Variants in NKAIN2 observed in about 807,000 individuals in gnomAD.
The protein encoded by NKAIN2 is sodium/potassium transporting ATPase interacting 2.
In NKAIN2, 14 loss-of-function variants were observed where a neutral mutation model predicts 32.6. That is an observed-to-expected ratio of 0.43 (90% CI 0.28 to 0.67). The LOEUF is 0.67. Ranked by LOEUF, NKAIN2 falls within the 30% of genes least tolerant of loss-of-function variation. The pLI is 0.17. For synonymous variants in NKAIN2, 80 were observed against 87.2 expected, an observed-to-expected ratio of 0.92 and a Z score of 0.46; for missense variants, 198 against 258.3, an observed-to-expected ratio of 0.77 and a Z score of 1.60.
At chr6:123,983,963 A>G (rs1779018667) in intron 1 of NKAIN2, among the ~76,000 whole-genome samples, 1 of 152,128 alleles carries the variant, frequency 6.6e-6, no homozygotes, top group South Asian at 2.1e-4. Context: ...GCTAGAGTAC[A>G]ATGGCACAAT....
At chr6:124,587,846 A>G (rs1265107269) in intron 3 of NKAIN2, among the ~76,000 whole-genome samples, 1 of 152,212 alleles carries the variant, frequency 6.6e-6, no homozygotes, top group Admixed American at 6.5e-5. Flanking sequence ...AGAAATGGGA[A>G]AGAAAATGTG....
intron 3 of NKAIN2, among the ~76,000 whole-genome samples, chr6:124,533,969 A>G (rs1039879899): frequency 6.6e-6 from 1 of 152,136 alleles, no homozygotes; most frequent in African/African-American, 2.4e-5. Context: ...TTTCACCATC[A>G]TGACCTGATC....
chr6:123,851,231 A>C (rs976907234), intron 1 of NKAIN2, among the ~76,000 whole-genome samples: 2 of 143,858 alleles, frequency 1.4e-5, no homozygotes, highest in Non-Finnish European at 3.0e-5. Flanking sequence ...TTGCTGGATC[A>C]TATGGTGGTT....
intron 1 of NKAIN2, among the ~76,000 whole-genome samples, chr6:123,998,837 G>T (rs765012866): frequency 1.7e-4 from 24 of 145,384 alleles, no homozygotes; most frequent in Non-Finnish European, 3.5e-4. Flanking sequence ...ATATGGTGAT[G>T]GTATCAAAAA....
intron 3 of NKAIN2, among the ~76,000 whole-genome samples, chr6:124,587,198 TA>T (rs1781740949): frequency 6.6e-6 from 1 of 152,122 alleles, no homozygotes; most frequent in Admixed American, 6.5e-5. Context: ...CTTTTTTTGT[TA>T]AAAAAGGAGG....
At chr6:123,979,253 A>G (rs1005158480) in intron 1 of NKAIN2, among the ~76,000 whole-genome samples, 17 of 152,246 alleles carry the variant, frequency 1.1e-4, no homozygotes, top group African/African-American at 3.4e-4. Context: ...CCTTGGAATT[A>G]GAAAACAATA....
chr6:124,317,458 C>T (rs1797005034), intron 2 of NKAIN2, among the ~76,000 whole-genome samples: 1 of 151,926 alleles, frequency 6.6e-6, no homozygotes, highest in African/African-American at 2.4e-5. Context: ...AAATAACTTC[C>T]TTAGAGTATA....
At chr6:124,405,816 C>T (rs933145020) in intron 3 of NKAIN2, among the ~76,000 whole-genome samples, 4 of 151,984 alleles carry the variant, frequency 2.6e-5, no homozygotes, top group South Asian at 4.1e-4. Context: ...TGCCTGGATT[C>T]GGAAATATAA....
At chr6:124,709,725 T>C (rs1775329855) in intron 4 of NKAIN2, among the ~76,000 whole-genome samples, 1 of 151,680 alleles carries the variant, frequency 6.6e-6, no homozygotes, top group African/African-American at 2.4e-5. Context: ...TTGATTCTTC[T>C]CTTTTTTCTT....
At chr6:124,131,311 T>A (rs77060051) in intron 1 of NKAIN2, among the ~76,000 whole-genome samples, 5,373 of 152,194 alleles carry the variant, frequency 0.035, 110 homozygotes, top group African/African-American at 0.056. Flanking sequence ...CGTCTGGCTA[T>A]TTTTTGTATT....
chr6:124,695,325 A>G (rs12660650), intron 4 of NKAIN2, among the ~76,000 whole-genome samples: 8,829 of 152,226 alleles, frequency 0.058, 345 homozygotes, highest in African/African-American at 0.11. Context: ...TGTCAGAGAG[A>G]TTGACCAGCT....
chr6:124,508,902 C>T (rs9388340), intron 3 of NKAIN2, among the ~76,000 whole-genome samples: 3,681 of 152,210 alleles, frequency 0.024, 159 homozygotes, highest in East Asian at 0.13. Context: ...TCTCTGTGTG[C>T]TTTCTCCTTG....
At chr6:124,618,436 C>T (rs1423516271) in intron 3 of NKAIN2, among the ~76,000 whole-genome samples, 1 of 152,134 alleles carries the variant, frequency 6.6e-6, no homozygotes, top group Non-Finnish European at 1.5e-5. Flanking sequence ...CAAGATTGTG[C>T]CATTGTACTG....
chr6:124,650,563 AAGAC>A (rs944470397), intron 3 of NKAIN2, among the ~76,000 whole-genome samples: 1 of 152,162 alleles, frequency 6.6e-6, no homozygotes, highest in African/African-American at 2.4e-5. Context: ...GAAAGGCAAA[AAGAC>A]AGGGAGATAT....
intron 1 of NKAIN2, among the ~76,000 whole-genome samples, chr6:123,885,260 G>T (rs141384867): frequency 9.9e-5 from 15 of 152,230 alleles, no homozygotes; most frequent in African/African-American, 3.4e-4. Flanking sequence ...TGCAAGGACA[G>T]TTGGCCCCTG....
At chr6:124,099,462 G>A (rs190432641) in intron 1 of NKAIN2, among the ~76,000 whole-genome samples, 1 of 152,302 alleles carries the variant, frequency 6.6e-6, no homozygotes, top group African/African-American at 2.4e-5. Context: ...TAACATTTGT[G>A]ACACTGGATA....
Position 124,103,346 on chromosome 6 carries a change from C to T in NKAIN2, c.55-179659C>T, listed in dbSNP as rs561539138. 2.6e-5 allele frequency among the ~76,000 whole-genome samples: 4 copies of T among 152,278 alleles called. No homozygotes were observed. In the East Asian group the frequency reaches 7.7e-4, roughly 29 times the overall value. ...GGGGATTTACTTGGAAGCATTTCCC[C>T]ATGTTCACATTAAATTTTCTAGAAA... On this transcript the variant is annotated intron_variant, in intron 1 of 6. Transcript: ENST00000368417.
At chr6:124,353,763 A>AT (rs928667665) in intron 2 of NKAIN2, among the ~76,000 whole-genome samples, 2 of 152,004 alleles carry the variant, frequency 1.3e-5, no homozygotes, top group African/African-American at 4.8e-5. Flanking sequence ...TCAAAAAAAA[A>AT]AGAGGCACAG....
rs190340387 is a variant in NKAIN2, at chr6:124,271,309, C to T, written c.55-11696C>T. 4.3e-3 allele frequency among the ~76,000 whole-genome samples: 658 copies of T among 152,190 alleles called. 2 individuals are homozygous for T. Among genetic ancestry groups the T allele is most frequent in the African/African-American group, 0.015 (617 of 41,546 alleles). ...TCGGCTCACTGCAAGCTCCACCTCC[C>T]GGGTTCACGCCATTCTCCTGCCTCA... On this transcript the variant is annotated intron_variant, in intron 1 of 6. Transcript: ENST00000368417.
Sources: allele counts gnomAD v4.1 joint callset (sites outside exome capture counted in the v4.1 genomes callset), GRCh38; gene constraint gnomAD v4.1.1; transcripts MANE v1.5; gene names NCBI Gene and HGNC (gene_info 2026-07-23, HGNC 2026-07-21).